MIPOL1: variants seen among roughly 807,000 people sequenced by gnomAD.
The protein encoded by MIPOL1 is mirror-image polydactyly gene 1 protein.
Under a neutral mutation model 60.9 loss-of-function variants are expected in MIPOL1, and 57 were observed. The ratio of observed to expected loss-of-function variants is 0.94; its 90% CI spans 0.76 to 1.17. MIPOL1 has a LOEUF of 1.17. Ranked by LOEUF, MIPOL1 falls within the 50% of genes most tolerant of loss-of-function variation. The pLI, the probability that MIPOL1 is intolerant of heterozygous loss-of-function variation, is 0.00. For missense variants in MIPOL1, 551 were observed against 511.6 expected, an observed-to-expected ratio of 1.08 and a Z score of -0.74; for synonymous variants, 179 against 168.8, an observed-to-expected ratio of 1.06 and a Z score of -0.47.
intron 12 of MIPOL1, among the ~76,000 whole-genome samples, chr14:37,536,492 TAAC>T (rs2095506955): frequency 6.6e-6 from 1 of 152,182 alleles, no homozygotes; most frequent in African/African-American, 2.4e-5. Context: ...GGGAATCACA[TAAC>T]ATCATCATAA....
intron 11 of MIPOL1, among the ~76,000 whole-genome samples, chr14:37,462,807 C>A (rs2094555029): frequency 6.6e-6 from 1 of 152,214 alleles, no homozygotes; most frequent in Non-Finnish European, 1.5e-5. Context: ...TTTGAGACCA[C>A]CTCAGCCTGT....
intron 11 of MIPOL1, among the ~76,000 whole-genome samples, chr14:37,444,124 G>C (rs1281984293): frequency 3.3e-5 from 5 of 152,066 alleles, no homozygotes; most frequent in African/African-American, 1.2e-4. Flanking sequence ...AAATAAAACT[G>C]CTTTTATTTG....
intron 10 of MIPOL1, among the ~76,000 whole-genome samples, chr14:37,419,434 T>A (rs534481046): frequency 2.0e-5 from 3 of 152,272 alleles, no homozygotes; most frequent in Admixed American, 1.3e-4. Context: ...TTTGTCAAAA[T>A]TTACAGAACT....
At chr14:37,509,373 G>A (rs141944288) in intron 12 of MIPOL1, among the ~76,000 whole-genome samples, 124 of 151,836 alleles carry the variant, frequency 8.2e-4, no homozygotes, top group African/African-American at 2.9e-3. Context: ...GACTCAAAGA[G>A]TGGTATGTAT....
chr14:37,420,096 GAAAA>G (rs796634849), intron 10 of MIPOL1, among the ~76,000 whole-genome samples: 21 of 133,122 alleles, frequency 1.6e-4, no homozygotes, highest in Admixed American at 7.5e-4. Flanking sequence ...AGCAATTTTT[GAAAA>G]AAAAAAAAGC....
intron 10 of MIPOL1, 149 bp from the exon 11 acceptor site, chr14:37,422,706 T>A (rs2093894879): frequency 8.9e-6 from 5 of 559,544 alleles, no homozygotes; most frequent in Non-Finnish European, 1.6e-5. Context: ...TTTAGACTAT[T>A]TTCTGGTAAC....
intron 9 of MIPOL1, among the ~76,000 whole-genome samples, chr14:37,344,740 A>G (rs1446100166): frequency 6.6e-6 from 1 of 152,206 alleles, no homozygotes; most frequent in Non-Finnish European, 1.5e-5. Context: ...ATTTATATAT[A>G]AAGAGTGAGC....
chr14:37,435,375 A>G (rs567278412), intron 11 of MIPOL1, among the ~76,000 whole-genome samples: 3 of 152,198 alleles, frequency 2.0e-5, no homozygotes, highest in East Asian at 1.9e-4. Flanking sequence ...TCCTGCTTCA[A>G]TGTCACAAGA....
At chr14:37,218,065 G>A (rs959399716) in intron 1 of MIPOL1, among the ~76,000 whole-genome samples, 12 of 151,852 alleles carry the variant, frequency 7.9e-5, no homozygotes, top group African/African-American at 2.7e-4. Flanking sequence ...GGTTATTTGG[G>A]ATTGTTTAAG....
intron 1 of MIPOL1, among the ~76,000 whole-genome samples, chr14:37,243,396 CAT>C (rs778127762): frequency 3.3e-5 from 5 of 152,152 alleles, no homozygotes; most frequent in East Asian, 1.9e-4. Context: ...AATAGTAAGA[CAT>C]GTGCTTATAT....
At chr14:37,360,742 A>C (rs1371299850) in intron 9 of MIPOL1, among the ~76,000 whole-genome samples, 3 of 151,932 alleles carry the variant, frequency 2.0e-5, no homozygotes, top group Non-Finnish European at 4.4e-5. Flanking sequence ...CAGTCTATCA[A>C]TTTTGTTGAT....
At chr14:37,289,882 T>C (rs1594928081) in intron 7 of MIPOL1, among the ~76,000 whole-genome samples, 1 of 152,242 alleles carries the variant, frequency 6.6e-6, no homozygotes, top group East Asian at 1.9e-4. Flanking sequence ...CAGCTATCAG[T>C]TAATCATTAG....
At chr14:37,316,190 C>A (rs540200747) in intron 9 of MIPOL1, among the ~76,000 whole-genome samples, 15 of 151,970 alleles carry the variant, frequency 9.9e-5, no homozygotes, top group African/African-American at 3.6e-4. Flanking sequence ...CCATGCCTGG[C>A]TAATTATTTT....
chr14:37,494,484 CA>C (rs2095089565), intron 11 of MIPOL1, among the ~76,000 whole-genome samples: 1 of 152,138 alleles, frequency 6.6e-6, no homozygotes, highest in African/African-American at 2.4e-5. Flanking sequence ...CAAATACCTT[CA>C]GCAGAAAAAA....
At chr14:37,445,781 T>C (rs2094324346) in intron 11 of MIPOL1, among the ~76,000 whole-genome samples, 1 of 152,054 alleles carries the variant, frequency 6.6e-6, no homozygotes, top group Non-Finnish European at 1.5e-5. Flanking sequence ...TATCTACAAC[T>C]GTCTGATCTT....
intron 11 of MIPOL1, among the ~76,000 whole-genome samples, chr14:37,484,575 A>C (rs774579765): frequency 6.6e-6 from 1 of 151,788 alleles, no homozygotes; most frequent in Non-Finnish European, 1.5e-5. Context: ...TGACCTCGTG[A>C]TCCGCCCCCC....
intron 11 of MIPOL1, among the ~76,000 whole-genome samples, chr14:37,466,581 A>G (rs896465556): frequency 1.3e-5 from 2 of 152,156 alleles, no homozygotes; most frequent in South Asian, 2.1e-4. Flanking sequence ...TTGATTAGCT[A>G]TCAGGAGGAC....
intron 10 of MIPOL1, among the ~76,000 whole-genome samples, chr14:37,394,754 AC>A (rs2093338637): frequency 6.8e-6 from 1 of 147,972 alleles, no homozygotes; most frequent in Non-Finnish European, 1.5e-5. Context: ...GCCATACAAA[AC>A]CTCTTTAGTT....
At chr14:37,502,822 T>C (rs1436847331) in intron 12 of MIPOL1, 1 of 152,180 alleles carries the variant, frequency 6.6e-6, no homozygotes, top group Non-Finnish European at 1.5e-5. Flanking sequence ...AACAAAATTC[T>C]CTGAGCTAAA....
Sources: allele counts gnomAD v4.1 joint callset (sites outside exome capture counted in the v4.1 genomes callset), GRCh38; gene constraint gnomAD v4.1.1; transcripts MANE v1.5; gene names NCBI Gene and HGNC (gene_info 2026-07-23, HGNC 2026-07-21).